The following SAMD3 variants were observed in gnomAD, a reference collection of about 807,000 sequenced individuals.
SAMD3 encodes the protein sterile alpha motif domain containing 3, also known as sterile alpha motif domain-containing protein 3.
A neutral mutation model predicts 58.5 loss-of-function variants in SAMD3; 63 were observed. The ratio of observed to expected loss-of-function variants is 1.08; its 90% CI spans 0.88 to 1.33. SAMD3 has a LOEUF of 1.33. Ranked by LOEUF, SAMD3 falls within the 40% of genes most tolerant of loss-of-function variation. SAMD3 has a pLI of 0.00. For missense variants in SAMD3, 604 were observed against 608.4 expected (o/e 0.99, Z 0.08); for synonymous variants, 220 against 210.3 (o/e 1.05, Z -0.40).
intron 1 of SAMD3, among the ~76,000 whole-genome samples, chr6:130,219,318 T>C (rs1179219573): frequency 2.0e-5 from 3 of 146,758 alleles, no homozygotes; most frequent in Non-Finnish European, 4.5e-5. Context: ...TTTTTTAAAT[T>C]ACAGGGATTT....
intron 2 of SAMD3, among the ~76,000 whole-genome samples, chr6:130,291,854 C>T (rs1003461696): frequency 3.3e-5 from 5 of 152,058 alleles, no homozygotes; most frequent in African/African-American, 1.2e-4. Context: ...TTCCCAATTT[C>T]GTTAGAGTCA....
At chr6:130,147,974 G>C (rs1788787634) in intron 9 of SAMD3, among the ~76,000 whole-genome samples, 1 of 152,204 alleles carries the variant, frequency 6.6e-6, no homozygotes, top group Non-Finnish European at 1.5e-5. Flanking sequence ...CCCAGTATTG[G>C]AGATAATTTT....
chr6:130,172,427 C>T (rs1442747350), intron 8 of SAMD3, among the ~76,000 whole-genome samples: 1 of 152,148 alleles, frequency 6.6e-6, no homozygotes, highest in Non-Finnish European at 1.5e-5. Context: ...TCAGCATTTG[C>T]TTGTCTGTAG....
At chr6:130,199,838 T>A (rs1794478689) in intron 5 of SAMD3, among the ~76,000 whole-genome samples, 1 of 152,202 alleles carries the variant, frequency 6.6e-6, no homozygotes, top group South Asian at 2.1e-4. Context: ...CCTATAATTT[T>A]GATGTTTGCT....
intron 9 of SAMD3, among the ~76,000 whole-genome samples, chr6:130,147,546 A>G (rs1788746367): frequency 6.6e-6 from 1 of 152,234 alleles, no homozygotes; most frequent in South Asian, 2.1e-4. Context: ...AATAGTAAAC[A>G]GAACTTACAA....
chr6:130,298,728 A>G (rs1406979837), intron 2 of SAMD3, among the ~76,000 whole-genome samples: 1 of 152,204 alleles, frequency 6.6e-6, no homozygotes, highest in African/African-American at 2.4e-5. Flanking sequence ...CACCGCCTTC[A>G]AGAGACCTAT....
At chr6:130,160,454 G>C (rs1582752166) in intron 8 of SAMD3, 1 of 152,156 alleles carries the variant, frequency 6.6e-6, no homozygotes, top group Non-Finnish European at 1.5e-5. Flanking sequence ...GGCTGGGGTA[G>C]TGAAGGAAAA....
At chr6:130,334,858 G>A (rs568423796) in intron 1 of SAMD3, among the ~76,000 whole-genome samples, 1 of 152,304 alleles carries the variant, frequency 6.6e-6, no homozygotes, top group South Asian at 2.1e-4. Flanking sequence ...GAGAAATGCA[G>A]GGAGATGTGA....
chr6:130,343,507 T>A (rs1215076377), intron 1 of SAMD3, among the ~76,000 whole-genome samples: 1 of 152,206 alleles, frequency 6.6e-6, no homozygotes, highest in Non-Finnish European at 1.5e-5. Context: ...ATTCCTTTCG[T>A]GGAAGTCAGA....
chr6:130,261,843 G>A (rs1225911368), intron 2 of SAMD3, among the ~76,000 whole-genome samples: 2 of 152,044 alleles, frequency 1.3e-5, no homozygotes, highest in Admixed American at 6.6e-5. Context: ...GTAAATCCCG[G>A]GCATCCAGAC....
rs201988282 is a variant in SAMD3 at position 130,175,981 on chromosome 6, G to A, written c.682C>T (p.Arg228Cys). Residue 228 changes from arginine (R) to cysteine (C), a missense_variant, in exon 8 of 12, where the codon CGC becomes TGC. Arg to Cys is a radical substitution (Grantham distance 180). Transcript: ENST00000439090. ...FFLWKRALKDRFKYVRRPIED... is the reference protein window; with the variant it reads ...FFLWKRALKDCFKYVRRPIED... ...ATGGGTCTTCGAACATATTTAAAGC[G>A]ATCTTTGAGGGCTCGTTTCCATAAA... 57 of 1,612,280 alleles carry A rather than the reference G, an allele frequency of 3.5e-5. No individual in the cohort carries two copies. Among genetic ancestry groups the A allele is most frequent in the East Asian group, 6.7e-5 (3 of 44,802 alleles).
rs1423735345 is a variant in SAMD3 at position 130,153,662 on chromosome 6, A to ATATATATATATT, written c.1023+1162_1023+1163insAATATATATATA. 1.1e-3 allele frequency among the ~76,000 whole-genome samples: 150 copies of ATATATATATATT among 131,256 alleles called. 2 individuals are homozygous for ATATATATATATT. Among genetic ancestry groups the ATATATATATATT allele is most frequent in the African/African-American group, 4.0e-3 (144 of 36,264 alleles). 86.1% of individuals were successfully genotyped at this position (131,256 alleles called of 152,430 possible). On this transcript the variant is annotated intron_variant, in intron 9 of 11. Coordinates refer to ENST00000439090, the MANE Select transcript of SAMD3 (RefSeq NM_001017373.4). ...CATTAAATTTCATATATATATATAT[A>ATATATATATATT]TATTTATTTATTTATTTATTTTTTA...
intron 5 of SAMD3, among the ~76,000 whole-genome samples, chr6:130,194,177 G>C (rs1230797428): frequency 2.6e-5 from 4 of 152,106 alleles, no homozygotes; most frequent in Non-Finnish European, 5.9e-5. Flanking sequence ...AAGGTGGCTG[G>C]AGCTAAAGGT....
chr6:130,288,291 G>A (rs1443804791), intron 2 of SAMD3, among the ~76,000 whole-genome samples: 1 of 152,164 alleles, frequency 6.6e-6, no homozygotes, highest in Non-Finnish European at 1.5e-5. Context: ...GGAAATTTTG[G>A]CAGGAGTCAA....
chr6:130,239,136 A>AC (rs1448562789), intron 2 of SAMD3, among the ~76,000 whole-genome samples: 9 of 152,210 alleles, frequency 5.9e-5, no homozygotes, highest in African/African-American at 2.2e-4. Flanking sequence ...GAGTCATCAA[A>AC]CAACCACCAG....
intron 2 of SAMD3, among the ~76,000 whole-genome samples, chr6:130,279,856 C>A (rs1045960165): frequency 6.6e-6 from 1 of 152,102 alleles, no homozygotes; most frequent in Non-Finnish European, 1.5e-5. Flanking sequence ...CGGACTAATA[C>A]ACCACCTGAC....
At chr6:130,326,260 G>T (rs1246534115) in intron 1 of SAMD3, among the ~76,000 whole-genome samples, 1 of 151,464 alleles carries the variant, frequency 6.6e-6, no homozygotes, top group Non-Finnish European at 1.5e-5. Flanking sequence ...GTCCTATGTT[G>T]TATGCTTAAA....
intron 2 of SAMD3, among the ~76,000 whole-genome samples, chr6:130,289,370 T>C (rs12213521): frequency 0.28 from 42,368 of 152,204 alleles, 6,360 homozygotes; most frequent in East Asian, 0.45. Context: ...ATGTTAGCTC[T>C]AGAAAATGGC....
chr6:130,357,477 T>C (rs1025768340), intron 1 of SAMD3, among the ~76,000 whole-genome samples: 2 of 152,144 alleles, frequency 1.3e-5, no homozygotes, highest in African/African-American at 4.8e-5. Flanking sequence ...CCAGCAAAAT[T>C]GCTCAGCCAG....
Sources: gnomAD v4.1 joint callset for allele counts (sites outside exome capture counted in the v4.1 genomes callset) on GRCh38, gnomAD v4.1.1 for gene constraint, MANE v1.5 for transcripts, NCBI Gene and HGNC (gene_info 2026-07-23, HGNC 2026-07-21) for gene names.